Variants in PKNOX1 observed in about 807,000 individuals in gnomAD.
PKNOX1 encodes PBX/knotted 1 homeobox 1.
Under a neutral mutation model 51.9 loss-of-function variants are expected in PKNOX1, and 15 were observed. That is an observed-to-expected ratio of 0.29 (90% CI 0.19 to 0.45). The LOEUF (loss-of-function observed/expected upper bound fraction) is 0.45, where lower values mean the gene tolerates loss of function less well. PKNOX1 is among the 20% of genes least tolerant of loss of function. The pLI is 1.00. For missense variants in PKNOX1, 462 were observed against 547.5 expected, an observed-to-expected ratio of 0.84 and a Z score of 1.56; for synonymous variants, 219 against 211.1, an observed-to-expected ratio of 1.04 and a Z score of -0.32.
At position 42,999,154 on chromosome 21, in the gene PKNOX1, C is replaced by T. The variant is rs374283629; in HGVS notation, c.-56-5172C>T. Among the ~76,000 whole-genome samples the T allele has an allele frequency of 1.6e-4, 25 of 152,368 alleles. No homozygotes were observed. The South Asian group carries it at 5.0e-3, about 30-fold the overall frequency. On this transcript the variant is annotated intron_variant, in intron 1 of 10. Transcript: ENST00000291547. ...CTTCTGTGCACTCTCAGGCCCAATG[C>T]CATGTGGAAGCTGCCAAGGCTTGAG...
At chr21:43,004,864 T>C (rs234772) in intron 2 of PKNOX1, among the ~76,000 whole-genome samples, 130,373 of 152,206 alleles carry the variant, frequency 0.86, 55,907 homozygotes, top group African/African-American at 0.88. Flanking sequence ...AGTAATGAAT[T>C]TGCAGGGGCC....
intron 8 of PKNOX1, among the ~76,000 whole-genome samples, chr21:43,023,048 G>T (rs112273870): frequency 6.6e-6 from 1 of 151,850 alleles, no homozygotes; most frequent in Non-Finnish European, 1.5e-5. Context: ...AAGACGCCGC[G>T]TTTTTTCCTG....
intron 7 of PKNOX1, among the ~76,000 whole-genome samples, chr21:43,020,980 G>A (rs546905217): frequency 8.5e-5 from 13 of 152,280 alleles, no homozygotes; most frequent in Admixed American, 4.6e-4. Context: ...GTGGTGATGC[G>A]TGGCTGTGGT....
At chr21:43,029,170 GT>G (rs1980115191) in intron 10 of PKNOX1, among the ~76,000 whole-genome samples, 1 of 152,156 alleles carries the variant, frequency 6.6e-6, no homozygotes, top group Admixed American at 6.5e-5. Context: ...TTGCTTCTGT[GT>G]TTGCTCTCCT....
intron 2 of PKNOX1, 55 bp downstream of exon 2, chr21:43,004,487 A>G (rs1352698076): frequency 3.4e-6 from 4 of 1,166,050 alleles, no homozygotes; most frequent in Admixed American, 3.4e-5. Context: ...GCACTCAAGC[A>G]TGAACATTGC....
At chr21:43,018,091 G>A in intron 6 of PKNOX1, 42 bp from the exon 7 acceptor site, 1 of 596,200 alleles carries the variant, frequency 1.7e-6, no homozygotes, top group Non-Finnish European at 3.1e-6. Flanking sequence ...TTAAATCATT[G>A]AGACTTAAAA....
In PKNOX1 at chr21:43,021,254, T is replaced by C. The variant is rs745879643; in HGVS notation, c.721-49T>C. 4 of 1,488,622 alleles carry C rather than the reference T, an allele frequency of 2.7e-6. No homozygotes were observed. The highest frequency in any genetic ancestry group is 2.3e-5 in the East Asian group (1 of 43,202). The allele number at this position is 1,488,622 out of a possible 1,614,324, so 92.2% of individuals were successfully genotyped here. On this transcript the variant is annotated intron_variant, in intron 7 of 10. Coordinates refer to ENST00000291547, the MANE Select transcript of PKNOX1 (RefSeq NM_004571.5). This position sits in a 1 kb window ranked among gnomAD's most constrained non-coding sequence, Gnocchi z 4.6. Reference sequence around the variant, plus strand: ...CCACCTGCAGTTGTAAGTACTTGGATATGTGAGAATTTCCTATGCTTTCTA... The same window carrying C: ...CCACCTGCAGTTGTAAGTACTTGGACATGTGAGAATTTCCTATGCTTTCTA...
Position 43,032,428 on chromosome 21 carries a change from TC to T in PKNOX1, c.*2328del. 1 of 305,158 alleles carries T rather than the reference TC, an allele frequency of 3.3e-6. No individual in the cohort carries two copies. Among genetic ancestry groups the T allele is most frequent in the East Asian group, 8.1e-5 (1 of 12,282 alleles). The allele number at this position is 305,158 out of a possible 1,614,324, so 18.9% of individuals were successfully genotyped here. Reference sequence around the variant, plus strand: ...CACCGTTTCTTTCCCCCACTAGAAATCACATTCACTAAGCAGTGGATTGAAT... The same window carrying T: ...CACCGTTTCTTTCCCCCACTAGAAATACATTCACTAAGCAGTGGATTGAAT... On this transcript the variant is annotated 3_prime_UTR_variant, in exon 11 of 11. Coordinates refer to ENST00000291547, the MANE Select transcript of PKNOX1 (RefSeq NM_004571.5).
At chr21:43,016,721 C>T (rs1979505037) in intron 5 of PKNOX1, among the ~76,000 whole-genome samples, 187 bp from the exon 6 acceptor site, 1 of 152,196 alleles carries the variant, frequency 6.6e-6, no homozygotes, top group Non-Finnish European at 1.5e-5. Context: ...GTTTAATACA[C>T]AGTTGAACAT....
At position 43,007,544 on chromosome 21, in the gene PKNOX1, C is replaced by T. The variant is rs143734009; in HGVS notation, c.105C>T (p.Pro35=). Residue 35 remains proline (P), a synonymous_variant, in exon 3 of 11, where the codon CCC becomes CCT. Coordinates refer to ENST00000291547, the MANE Select transcript of PKNOX1 (RefSeq NM_004571.5). ...KTEQDPNCSE[P]DAEGVSPPPV... ...AACAAGATCCAAACTGCTCTGAACC[C>T]GATGCAGAAGGAGTGAGCCCTCCCC... The T allele has an allele frequency of 2.4e-5, 38 of 1,613,798 alleles. No homozygotes were observed. The African/African-American group carries it at 4.1e-4, about 18-fold the overall frequency.
intron 10 of PKNOX1, 145 bp downstream of exon 10, chr21:43,029,019 T>C: frequency 1.3e-6 from 1 of 766,870 alleles, no homozygotes; most frequent in Non-Finnish European, 2.2e-6. Flanking sequence ...AACTAAAACA[T>C]GAGGAAGCTG....
chr21:42,979,843 G>A (rs2839610), intron 1 of PKNOX1, among the ~76,000 whole-genome samples: 5,797 of 152,296 alleles, frequency 0.038, 141 homozygotes, highest in Middle Eastern at 0.061. Context: ...CTTCTGGCAC[G>A]CTGCTTTCTT....
intron 1 of PKNOX1, among the ~76,000 whole-genome samples, chr21:42,989,976 G>A (rs1170531335): frequency 6.6e-6 from 1 of 152,056 alleles, no homozygotes; most frequent in African/African-American, 2.4e-5. Flanking sequence ...GTGCATGCCT[G>A]TGGTTCCAGC....
chr21:43,015,211 G>T (rs141176845), intron 5 of PKNOX1, among the ~76,000 whole-genome samples: 26 of 152,364 alleles, frequency 1.7e-4, no homozygotes, highest in South Asian at 2.1e-4. Context: ...TGTCGATGAT[G>T]TTGGTTGCAG....
At chr21:43,028,449 C>A (rs1195569127) in intron 9 of PKNOX1, among the ~76,000 whole-genome samples, 18 of 149,876 alleles carry the variant, frequency 1.2e-4, no homozygotes, top group African/African-American at 2.5e-4. Context: ...GGAGTTGAGA[C>A]AAAAAAAAAA....
intron 2 of PKNOX1, among the ~76,000 whole-genome samples, chr21:43,005,250 G>A (rs1240726084): frequency 1.3e-5 from 2 of 152,120 alleles, no homozygotes; most frequent in African/African-American, 2.4e-5. Flanking sequence ...TCCCCACCTC[G>A]AGGACTTCGG....
At chr21:42,985,712 T>C (rs2059048871) in intron 1 of PKNOX1, among the ~76,000 whole-genome samples, 1 of 150,470 alleles carries the variant, frequency 6.6e-6, no homozygotes, top group Non-Finnish European at 1.5e-5. Flanking sequence ...TTAAAACAAA[T>C]TGCAGGCCGG....
chr21:43,004,372 C>G lies in PKNOX1; in HGVS notation c.-10C>G, dbSNP rs1272658506. ...AGATGATTTGATGTCTTATAAAACT[C>G]TGATGAACCATGATGGCTACACAGA... On this transcript the variant is annotated 5_prime_UTR_variant, in exon 2 of 11. Coordinates refer to ENST00000291547, the MANE Select transcript of PKNOX1 (RefSeq NM_004571.5). 3 of 1,593,646 alleles carry G rather than the reference C, an allele frequency of 1.9e-6. No homozygotes were observed. Among genetic ancestry groups the G allele is most frequent in the South Asian group, 1.1e-5 (1 of 90,554 alleles).
chr21:43,030,851 C>T lies in PKNOX1; in HGVS notation c.*750C>T, dbSNP rs1980234272. ...AATGAACCTGCCCAAAGTTAGCTAC[C>T]GTTCCATGGTTCTTTGCTCTCCCCG... On this transcript the variant is annotated 3_prime_UTR_variant, in exon 11 of 11. Transcript: ENST00000291547. 1 of 152,132 alleles carries T rather than the reference C, an allele frequency of 6.6e-6. No homozygotes were observed. The allele number at this position is 152,132 out of a possible 1,614,324, so 9.4% of individuals were successfully genotyped here. A position where few individuals can be genotyped will look rare whatever the true frequency, so the allele number is the denominator to read the frequency against.
Sources: allele counts gnomAD v4.1 joint callset (sites outside exome capture counted in the v4.1 genomes callset), GRCh38; gene constraint gnomAD v4.1.1; non-coding constraint Gnocchi (gnomAD v3.1); transcripts MANE v1.5; gene names NCBI Gene and HGNC (gene_info 2026-07-23, HGNC 2026-07-21).